Variants in ZNF43 observed in about 807,000 individuals in gnomAD.
ZNF43 encodes the protein zinc finger protein 39-like 1 (KOX 27).
A neutral mutation model predicts 68.4 loss-of-function variants in ZNF43; 44 were observed. That is an observed-to-expected ratio of 0.64 (90% confidence interval 0.51 to 0.83). ZNF43 has a LOEUF of 0.83. Among genes scored for constraint, ZNF43 ranks in the 40% least tolerant of loss-of-function variants. The pLI, the probability that ZNF43 is intolerant of heterozygous loss-of-function variation, is 0.00. For synonymous variants in ZNF43, 308 were observed against 307.8 expected, an observed-to-expected ratio of 1.00 and a Z score of -0.01; for missense variants, 896 against 933.2, an observed-to-expected ratio of 0.96 and a Z score of 0.52.
chr19:21,809,781 A>T lies in ZNF43; in HGVS notation c.256T>A (p.Phe86Ile). The T allele has an allele frequency of 3.8e-6, 6 of 1,573,082 alleles. No homozygotes were observed. In the South Asian group the frequency reaches 7.0e-5, roughly 18 times the overall value. ...TCTTTTATATGCTGCTCTGGCCAAA[A>T]GTCTTGGGTAAAATGAGAACACATA... ...PVMCSHFTQD[F>I]WPEQHIKDPF... The change falls in exon 4 of 4, where the codon TTT becomes ATT. Residue 86 changes from phenylalanine to isoleucine, a missense_variant. Phe to Ile is a conservative substitution (Grantham distance 21). Transcript: ENST00000354959.
At chr19:21,835,285 G>A (rs1158410507) in intron 1 of ZNF43, among the ~76,000 whole-genome samples, 1 of 146,986 alleles carries the variant, frequency 6.8e-6, no homozygotes, top group Non-Finnish European at 1.5e-5. Context: ...AGAAAAAATA[G>A]TTGATAACGT....
At chr19:21,827,473 T>C (rs1180546826) in intron 1 of ZNF43, among the ~76,000 whole-genome samples, 1 of 151,544 alleles carries the variant, frequency 6.6e-6, no homozygotes, top group African/African-American at 2.4e-5. Context: ...GTGATTCTCC[T>C]GCCTCAGCCT....
At chr19:21,835,971 G>C (rs2038704893) in intron 1 of ZNF43, 65 bp downstream of exon 1, 2 of 1,610,976 alleles carry the variant, frequency 1.2e-6, no homozygotes, top group African/African-American at 1.3e-5. Context: ...GGAGCTGACT[G>C]CGGGAAGGCC....
Position 21,808,950 on chromosome 19 carries a change from T to C in ZNF43, c.1087A>G (p.Ile363Val). The C allele has an allele frequency of 6.2e-7, 1 of 1,613,832 alleles. No homozygotes were observed. The highest frequency in any genetic ancestry group is 8.5e-7 in the Non-Finnish European group (1 of 1,179,902). The change falls in exon 4 of 4, where the codon ATC becomes GTC. Residue 363 changes from isoleucine (I) to valine (V), a missense_variant. Ile to Val is a conservative substitution (Grantham distance 29). Transcript: ENST00000354959. ...QFSNLTTHKR[I>V]HTAEKFYKCT... ...TTATAGAATTTCTCTGCAGTATGGA[T>C]TCTCTTATGTGTAGTAAGGTTTGAG...
rs1260113980 is a variant in ZNF43, at chr19:21,805,757, A to G, written c.*1850T>C. The G allele has an allele frequency of 6.6e-6, 1 of 152,216 alleles. No homozygotes were observed. Among genetic ancestry groups the G allele is most frequent in the Non-Finnish European group, 1.5e-5 (1 of 68,030 alleles). 9.4% of individuals were successfully genotyped at this position (152,216 alleles called of 1,614,324 possible). ...AAAAAAGAATATTTAACCTATAGAA[A>G]AATATTCTTTAACTTATTTGCAGTT... is the stretch of plus-strand genomic sequence containing the variant. On this transcript the variant is annotated 3_prime_UTR_variant, in exon 4 of 4. Transcript: ENST00000354959.
At chr19:21,826,572 G>A (rs533935825) in intron 1 of ZNF43, 86 of 152,368 alleles carry the variant, frequency 5.6e-4, no homozygotes, top group Non-Finnish European at 9.4e-4. Flanking sequence ...GAGTGCAGTG[G>A]CTCACACCTG....
intron 1 of ZNF43, among the ~76,000 whole-genome samples, chr19:21,824,006 C>T (rs915093767): frequency 5.3e-5 from 8 of 152,054 alleles, no homozygotes; most frequent in Non-Finnish European, 1.2e-4. Context: ...ACGGTGAAAC[C>T]CTGTCTCTAC....
At position 21,807,524 on chromosome 19, in the gene ZNF43, T is replaced by C; in HGVS notation, c.*83A>G. 3.9e-6 allele frequency: 5 copies of C among 1,297,040 alleles called. No individual in the cohort carries two copies. The highest frequency in any genetic ancestry group is 5.2e-6 in the Non-Finnish European group (5 of 968,578). 80.3% of individuals were successfully genotyped at this position (1,297,040 alleles called of 1,614,324 possible). On this transcript the variant is annotated 3_prime_UTR_variant, in exon 4 of 4. Transcript: ENST00000354959. ...TGTAGAAGTTTACTCCAATGTAAAT[T>C]ATCTTACCTACAATCAAGTGTGACA...
At position 21,821,606 on chromosome 19, in the gene ZNF43, T is replaced by C. The variant is rs544937764; in HGVS notation, c.4-2385A>G. On this transcript the variant is annotated intron_variant, in intron 1 of 3. Transcript: ENST00000354959. Reference sequence around the variant, plus strand: ...TTTTCCCCAATAGAAATCTTGAGTATCCACACCTTCCCATGTTCAACAACC... The same window carrying C: ...TTTTCCCCAATAGAAATCTTGAGTACCCACACCTTCCCATGTTCAACAACC... 1.9e-4 allele frequency among the ~76,000 whole-genome samples: 29 copies of C among 152,268 alleles called. No homozygotes were observed. The East Asian group carries it at 5.4e-3, about 28-fold the overall frequency.
In ZNF43 at chr19:21,809,306, C is replaced by T. The variant is rs201159112; in HGVS notation, c.731G>A (p.Arg244His). Reference sequence around the variant, plus strand: ...ATAATTTTTTTTATGTGTAGTAAGGCGTGAGGACCAATTAAAGACTTTGCC... The same window carrying T: ...ATAATTTTTTTTATGTGTAGTAAGGTGTGAGGACCAATTAAAGACTTTGCC... ...ECGKVFNWSS[R>H]LTTHKKNYTR... Residue 244 changes from arginine to histidine, a missense_variant, in exon 4 of 4, where the codon CGC (arginine) becomes CAC (histidine). Coordinates refer to ENST00000354959, the MANE Select transcript of ZNF43 (RefSeq NM_003423.4). 193 of 1,603,806 alleles carry T rather than the reference C, an allele frequency of 1.2e-4. 1 individual carries two copies. The African/African-American group carries it at 1.7e-3, about 14-fold the overall frequency.
At chr19:21,812,185 G>A (rs1033776532) in intron 3 of ZNF43, 4 of 359,698 alleles carry the variant, frequency 1.1e-5, no homozygotes, top group African/African-American at 4.2e-5. Flanking sequence ...GGAGTGCAGC[G>A]GGGCGTTCTC....
At position 21,844,094 on chromosome 19, in the gene ZNF43, T is replaced by C. The variant is rs1412353693; in HGVS notation, c.30+7811A>G. Among the ~76,000 whole-genome samples, 4 of 152,116 alleles carry C rather than the reference T, an allele frequency of 2.6e-5. No individual in the cohort carries two copies. In the East Asian group the frequency reaches 7.7e-4, roughly 29 times the overall value. On this transcript the variant is annotated intron_variant, in intron 1 of 3. Transcript: ENST00000357491. ...AAATCCACTCTGAGATCTTTGTGAT[T>C]GTATAAAACCATGATCGTACCTGCG...
chr19:21,829,023 ACT>A (rs1382664949), intron 1 of ZNF43, among the ~76,000 whole-genome samples: 2 of 116,508 alleles, frequency 1.7e-5, no homozygotes, highest in African/African-American at 3.4e-5. Flanking sequence ...AAAGAGAGAG[ACT>A]CTGTCTCAAA....
chr19:21,809,526 T>C lies in ZNF43; in HGVS notation c.511A>G (p.Lys171Glu). ...CATTCTTTGCATTTGAAAAGTTTTT[T>C]TTCAGTATGGCTTATCTTATGTCTG... The part of the protein sequence containing the change: ...SNRHKISHTE[K>E]KLFKCKECGK... Residue 171 changes from lysine (K) to glutamate (E), a missense_variant, in exon 4 of 4, where the codon AAA becomes GAA. Lys to Glu is a moderately conservative substitution (Grantham distance 56, BLOSUM62 1). Transcript: ENST00000354959. 6.2e-7 allele frequency: 1 copy of C among 1,613,652 alleles called. No individual in the cohort carries two copies. Among genetic ancestry groups the C allele is most frequent in the Non-Finnish European group, 8.5e-7 (1 of 1,179,746 alleles).
intron 1 of ZNF43, among the ~76,000 whole-genome samples, chr19:21,820,768 A>C (rs117183809): frequency 1.3e-5 from 2 of 152,234 alleles, no homozygotes; most frequent in South Asian, 2.1e-4. Flanking sequence ...ATCTAAATTT[A>C]ACCATAAAGA....
chr19:21,822,673 C>T (rs1430735423), intron 1 of ZNF43, among the ~76,000 whole-genome samples: 4 of 152,118 alleles, frequency 2.6e-5, no homozygotes, highest in Non-Finnish European at 4.4e-5. Context: ...GGCACGGTGG[C>T]GGGCACCTGT....
intron 1 of ZNF43, among the ~76,000 whole-genome samples, chr19:21,845,861 C>A (rs555479526): frequency 6.6e-6 from 1 of 151,116 alleles, no homozygotes; most frequent in Admixed American, 6.6e-5. Context: ...CCATTGCACT[C>A]CAGCCTGGGC....
intron 1 of ZNF43, among the ~76,000 whole-genome samples, chr19:21,848,894 T>C (rs138118458): frequency 6.6e-6 from 1 of 152,250 alleles, no homozygotes; most frequent in African/African-American, 2.4e-5. Context: ...TGAGTCAACA[T>C]GTCCTCAGGA....
chr19:21,805,049 T>C lies in ZNF43; in HGVS notation c.*2558A>G, dbSNP rs563401273. 8 of 152,330 alleles carry C rather than the reference T, an allele frequency of 5.3e-5. No homozygotes were observed. In the East Asian group the frequency reaches 1.5e-3, roughly 29 times the overall value. The allele number at this position is 152,330 out of a possible 1,614,324, so 9.4% of individuals were successfully genotyped here. A position where few individuals can be genotyped will look rare whatever the true frequency, so the allele number is the denominator to read the frequency against. The stretch of plus-strand genomic sequence containing the variant: ...ATAACAATTTAATTGTACATTAAAA[T>C]AATGAAGTGTAGAATTGGCTTGTAA... On this transcript the variant is annotated 3_prime_UTR_variant, in exon 4 of 4. Coordinates refer to ENST00000354959, the MANE Select transcript of ZNF43 (RefSeq NM_003423.4).
Sources: allele counts gnomAD v4.1 joint callset (sites outside exome capture counted in the v4.1 genomes callset), GRCh38; gene constraint gnomAD v4.1.1; transcripts MANE v1.5; gene names NCBI Gene and HGNC (gene_info 2026-07-23, HGNC 2026-07-21).